Variants in SCFD2 observed in about 807,000 individuals in gnomAD.
SCFD2 encodes sec1 family domain containing 2.
Under a neutral mutation model 58.9 loss-of-function variants are expected in SCFD2, and 54 were observed. The observed-to-expected ratio is 0.92, with a 90% confidence interval of 0.74 to 1.15. The LOEUF is 1.15. SCFD2 is among the 50% of genes most tolerant of loss of function. The pLI, the probability that SCFD2 is intolerant of heterozygous loss-of-function variation, is 0.00. For synonymous variants in SCFD2, 321 were observed against 335.9 expected, an observed-to-expected ratio of 0.96 and a Z score of 0.49; for missense variants, 805 against 836.6, an observed-to-expected ratio of 0.96 and a Z score of 0.47.
intron 7 of SCFD2, among the ~76,000 whole-genome samples, chr4:52,895,537 T>C (rs548933697): frequency 1.4e-4 from 22 of 152,352 alleles, no homozygotes; most frequent in South Asian, 4.1e-4. Context: ...TTCCATGGTG[T>C]ATATGTGCCA....
At chr4:53,057,880 A>G (rs747669774) in intron 5 of SCFD2, among the ~76,000 whole-genome samples, 24 of 152,216 alleles carry the variant, frequency 1.6e-4, no homozygotes, top group Admixed American at 5.2e-4. Context: ...CAACACCAGC[A>G]TCTGGCAGGG....
At chr4:53,074,312 C>T (rs1443022153) in intron 5 of SCFD2, among the ~76,000 whole-genome samples, 2 of 152,192 alleles carry the variant, frequency 1.3e-5, no homozygotes, top group Non-Finnish European at 2.9e-5. Flanking sequence ...TTCTAGTTTT[C>T]TTGCTGTTTC....
intron 2 of SCFD2, among the ~76,000 whole-genome samples, chr4:53,325,589 TTG>T (rs1733167361): frequency 6.6e-6 from 1 of 152,154 alleles, no homozygotes; most frequent in African/African-American, 2.4e-5. Context: ...GGAATGTGTT[TTG>T]TGAGATTGAT....
chr4:53,132,460 CTTTTG>C (rs150274202), intron 5 of SCFD2, among the ~76,000 whole-genome samples: 2,935 of 152,110 alleles, frequency 0.019, 39 homozygotes, highest in Middle Eastern at 0.048. Flanking sequence ...TTTTTGTTTT[CTTTTG>C]TTTTGTTTTG....
At chr4:52,898,779 T>G (rs1358284129) in intron 7 of SCFD2, among the ~76,000 whole-genome samples, 2 of 152,192 alleles carry the variant, frequency 1.3e-5, no homozygotes, top group Admixed American at 1.3e-4. Flanking sequence ...TATTATTGTG[T>G]GGGAGTCTAA....
chr4:52,970,389 G>C (rs1721067860), intron 5 of SCFD2, among the ~76,000 whole-genome samples: 1 of 152,256 alleles, frequency 6.6e-6, no homozygotes, highest in African/African-American at 2.4e-5. Context: ...ATGGCTCAGA[G>C]GGTCCTATGC....
chr4:53,033,788 T>C (rs1339998648), intron 5 of SCFD2, among the ~76,000 whole-genome samples: 1 of 152,038 alleles, frequency 6.6e-6, no homozygotes, highest in Admixed American at 6.6e-5. Flanking sequence ...AATCCCTGAA[T>C]AAAGCATAAC....
chr4:53,255,081 C>T (rs1730556664), intron 4 of SCFD2, among the ~76,000 whole-genome samples: 1 of 151,012 alleles, frequency 6.6e-6, no homozygotes, highest in African/African-American at 2.4e-5. Context: ...CTGTGTTATC[C>T]AGGTTGGTCT....
At chr4:52,918,786 T>C (rs1452103833) in intron 6 of SCFD2, among the ~76,000 whole-genome samples, 1 of 152,228 alleles carries the variant, frequency 6.6e-6, no homozygotes, top group Non-Finnish European at 1.5e-5. Context: ...TCTGTTTCAG[T>C]TGAGCTCCCC....
At chr4:53,126,268 G>A (rs1725624872) in intron 5 of SCFD2, among the ~76,000 whole-genome samples, 1 of 152,160 alleles carries the variant, frequency 6.6e-6, no homozygotes, top group Non-Finnish European at 1.5e-5. Flanking sequence ...GAAAGAAGAT[G>A]AAAGAACAGA....
intron 5 of SCFD2, among the ~76,000 whole-genome samples, chr4:53,079,967 T>C (rs1480974649): frequency 6.6e-6 from 1 of 152,212 alleles, no homozygotes; most frequent in Non-Finnish European, 1.5e-5. Flanking sequence ...AAGAAATTCC[T>C]TTCTTCACTA....
chr4:53,254,033 G>C (rs1303937503), intron 4 of SCFD2, among the ~76,000 whole-genome samples: 2 of 151,716 alleles, frequency 1.3e-5, no homozygotes, highest in Non-Finnish European at 2.9e-5. Flanking sequence ...ATAAGTTAGA[G>C]CTAAGTGATG....
At chr4:53,061,300 A>G (rs954353160) in intron 5 of SCFD2, among the ~76,000 whole-genome samples, 5 of 152,128 alleles carry the variant, frequency 3.3e-5, no homozygotes, top group African/African-American at 7.2e-5. Context: ...AGTGCTTTCC[A>G]CTGGCTCTTC....
At chr4:53,054,519 G>C (rs1723269009) in intron 5 of SCFD2, among the ~76,000 whole-genome samples, 1 of 151,114 alleles carries the variant, frequency 6.6e-6, no homozygotes, top group South Asian at 2.1e-4. Flanking sequence ...ATAACAGGTA[G>C]CAAAGAACAA....
At chr4:53,027,622 G>A (rs934028541) in intron 5 of SCFD2, among the ~76,000 whole-genome samples, 1 of 152,182 alleles carries the variant, frequency 6.6e-6, no homozygotes, top group Non-Finnish European at 1.5e-5. Flanking sequence ...GGGACCAGGA[G>A]TTCGAGACCA....
chr4:53,313,874 C>CAGTAGGAAAGA, intron 2 of SCFD2, 111 bp from the exon 3 acceptor site: 2 of 910,412 alleles, frequency 2.2e-6, no homozygotes, highest in African/African-American at 1.7e-5. Context: ...TGTAGTCTTT[C>CAGTAGGAAAGA]CTACTGATAG....
At chr4:53,063,796 T>C (rs1433738886) in intron 5 of SCFD2, among the ~76,000 whole-genome samples, 1 of 152,182 alleles carries the variant, frequency 6.6e-6, no homozygotes, top group East Asian at 1.9e-4. Flanking sequence ...TTCACTCGAT[T>C]AAAGTATCCC....
intron 1 of SCFD2, among the ~76,000 whole-genome samples, chr4:53,361,283 C>CT (rs1236328237): frequency 1.3e-5 from 2 of 152,130 alleles, no homozygotes; most frequent in Non-Finnish European, 2.9e-5. Flanking sequence ...AACTCTTATG[C>CT]TTTTTTTAGT....
intron 5 of SCFD2, among the ~76,000 whole-genome samples, chr4:53,123,877 A>G (rs947139312): frequency 2.0e-5 from 3 of 152,170 alleles, no homozygotes; most frequent in African/African-American, 7.2e-5. Flanking sequence ...TGTAAGCTGT[A>G]TTTTTAACAA....
Sources: allele counts gnomAD v4.1 joint callset (sites outside exome capture counted in the v4.1 genomes callset), GRCh38; gene constraint gnomAD v4.1.1; transcripts MANE v1.5; gene names NCBI Gene and HGNC (gene_info 2026-07-23, HGNC 2026-07-21).